Variants in SNAP91 observed in about 807,000 individuals in gnomAD.
SNAP91 encodes the protein clathrin coat assembly protein AP180.
A neutral mutation model predicts 100.3 loss-of-function variants in SNAP91; 27 were observed. That is an observed-to-expected ratio of 0.27 (90% CI 0.20 to 0.37). SNAP91 has a LOEUF of 0.37. Ranked by LOEUF, SNAP91 falls within the 10% of genes least tolerant of loss-of-function variation. SNAP91 has a pLI of 1.00. For missense variants in SNAP91, 986 were observed against 1,123.7 expected (o/e 0.88, Z 1.75); for synonymous variants, 404 against 398.6 (o/e 1.01, Z -0.16).
chr6:83,636,873 T>C (rs1377832406), intron 8 of SNAP91, among the ~76,000 whole-genome samples: 2 of 152,162 alleles, frequency 1.3e-5, no homozygotes, highest in Non-Finnish European at 2.9e-5. Context: ...GGGTTGACTG[T>C]GGTGAATGTT....
intron 8 of SNAP91, among the ~76,000 whole-genome samples, chr6:83,629,455 G>A (rs2097114944): frequency 6.6e-6 from 1 of 150,554 alleles, no homozygotes; most frequent in African/African-American, 2.4e-5. Context: ...TTGGCAGTAT[G>A]GTCATTTTCT....
At chr6:83,610,546 T>C in intron 12 of SNAP91, 104 bp downstream of exon 12, 1 of 402,016 alleles carries the variant, frequency 2.5e-6, no homozygotes, top group Non-Finnish European at 4.6e-6. Context: ...AGGATGGTTG[T>C]ACAACAATGT....
intron 9 of SNAP91, among the ~76,000 whole-genome samples, chr6:83,622,285 C>A (rs986955383): frequency 3.9e-5 from 6 of 151,962 alleles, no homozygotes; most frequent in African/African-American, 1.2e-4. Context: ...ATTTAATTGG[C>A]ATTTTAATAA....
At position 83,708,893 on chromosome 6, in the gene SNAP91, C is replaced by G. The variant is rs1468353769; in HGVS notation, c.-79G>C. 1 of 152,228 alleles carries G rather than the reference C, an allele frequency of 6.6e-6. No homozygotes were observed. Among genetic ancestry groups the G allele is most frequent in the African/African-American group, 2.4e-5 (1 of 41,536 alleles). The allele number at this position is 152,228 out of a possible 1,614,324, so 9.4% of individuals were successfully genotyped here. On this transcript the variant is annotated 5_prime_UTR_variant, in exon 1 of 30. Coordinates refer to ENST00000369694, the MANE Select transcript of SNAP91 (RefSeq NM_001242792.2). ...GCCGCAGGATGAGCGGAGCCCGGGC[C>G]GCCGAGGGAAGCCGCGCCGGTGGAT...
chr6:83,620,932 T>C (rs928959533), intron 9 of SNAP91, among the ~76,000 whole-genome samples: 2 of 151,928 alleles, frequency 1.3e-5, no homozygotes, highest in African/African-American at 4.8e-5. Flanking sequence ...CTCGATCTCC[T>C]GAACTCATGA....
intron 8 of SNAP91, among the ~76,000 whole-genome samples, 193 bp downstream of exon 8, chr6:83,640,903 C>A (rs1030470483): frequency 6.6e-6 from 1 of 152,128 alleles, no homozygotes; most frequent in African/African-American, 2.4e-5. Flanking sequence ...TGCAGGAGTA[C>A]AGAGTACAGC....
chr6:83,602,619 T>C (rs959763698), intron 14 of SNAP91, among the ~76,000 whole-genome samples: 14 of 152,264 alleles, frequency 9.2e-5, no homozygotes, highest in Non-Finnish European at 1.3e-4. Flanking sequence ...ACCGGGCAAA[T>C]TGTAGAAGTT....
intron 16 of SNAP91, among the ~76,000 whole-genome samples, chr6:83,597,084 T>A (rs574783791): frequency 5.9e-5 from 9 of 152,332 alleles, no homozygotes; most frequent in Admixed American, 1.3e-4. Context: ...TATCTCCTTT[T>A]AATTCTTCTC....
chr6:83,554,756 C>A (rs1393141530), intron 29 of SNAP91, among the ~76,000 whole-genome samples: 1 of 152,120 alleles, frequency 6.6e-6, no homozygotes, highest in East Asian at 1.9e-4. Context: ...ACAGAGAGAT[C>A]CCTGGCGACC....
chr6:83,640,669 C>G (rs12203618), intron 8 of SNAP91, among the ~76,000 whole-genome samples: 9,291 of 151,900 alleles, frequency 0.061, 287 homozygotes, highest in Middle Eastern at 0.085. Flanking sequence ...TAAATCATTG[C>G]CAAAGTAAGA....
intron 8 of SNAP91, among the ~76,000 whole-genome samples, chr6:83,623,587 A>G: frequency 6.6e-6 from 1 of 152,170 alleles, no homozygotes; most frequent in Admixed American, 6.5e-5. Context: ...TCCAAAAACA[A>G]ATGACAACAA....
intron 22 of SNAP91, among the ~76,000 whole-genome samples, chr6:83,590,725 A>G (rs2093625627): frequency 6.6e-6 from 1 of 152,194 alleles, no homozygotes; most frequent in African/African-American, 2.4e-5. Flanking sequence ...TAGACATTAC[A>G]AGACAAAAAT....
intron 26 of SNAP91, among the ~76,000 whole-genome samples, chr6:83,568,916 T>G (rs1801676436): frequency 6.6e-6 from 1 of 152,158 alleles, no homozygotes; most frequent in South Asian, 2.1e-4. Context: ...TCCTTGAGTA[T>G]TCCTAGAAAG....
At chr6:83,676,689 G>A (rs1160851158) in intron 2 of SNAP91, among the ~76,000 whole-genome samples, 2 of 152,178 alleles carry the variant, frequency 1.3e-5, no homozygotes, top group East Asian at 3.9e-4. Flanking sequence ...AATGTAATGG[G>A]AAGCTGCTAG....
rs2129088187 is a variant in SNAP91, at chr6:83,707,914, G to T, written c.14C>A (p.Thr5Lys). The T allele has an allele frequency of 2.5e-6, 4 of 1,587,696 alleles. No homozygotes were observed. Among genetic ancestry groups the T allele is most frequent in the Middle Eastern group, 1.7e-4 (1 of 5,990 alleles). Residue 5 changes from threonine (T) to lysine (K), a missense_variant, in exon 2 of 30, where the codon ACG becomes AAG. Coordinates refer to ENST00000369694, the MANE Select transcript of SNAP91 (RefSeq NM_001242792.2). The stretch of plus-strand genomic sequence containing the variant: ...AGCGGCGGCGATCCGATCCGTGAGC[G>T]TTTGGCCCGACATCTTCTGTGGTCG... MSGQTLTDRIAAAQY... is the reference protein window; with the variant it reads MSGQKLTDRIAAAQY...
At chr6:83,565,960 T>C (rs1795989930) in intron 26 of SNAP91, among the ~76,000 whole-genome samples, 1 of 152,120 alleles carries the variant, frequency 6.6e-6, no homozygotes, top group Admixed American at 6.6e-5. Context: ...CCTAGGTATA[T>C]TCCAAATAGA....
At chr6:83,624,466 G>C (rs1372227087) in intron 8 of SNAP91, among the ~76,000 whole-genome samples, 2 of 152,130 alleles carry the variant, frequency 1.3e-5, no homozygotes, top group East Asian at 3.8e-4. Flanking sequence ...TGAAGCAAAA[G>C]TGCTGGGCTG....
At chr6:83,589,333 TATC>T (rs1266323986) in intron 22 of SNAP91, among the ~76,000 whole-genome samples, 1 of 152,186 alleles carries the variant, frequency 6.6e-6, no homozygotes, top group Non-Finnish European at 1.5e-5. Flanking sequence ...TACTGCCTCT[TATC>T]ATCTCTGCAA....
At chr6:83,641,493 T>C (rs1214842939) in intron 7 of SNAP91, among the ~76,000 whole-genome samples, 5 of 152,210 alleles carry the variant, frequency 3.3e-5, no homozygotes, top group Admixed American at 6.5e-5. Flanking sequence ...TCATGTTCCA[T>C]ATCCAATATC....
Sources: allele counts gnomAD v4.1 joint callset (sites outside exome capture counted in the v4.1 genomes callset), GRCh38; gene constraint gnomAD v4.1.1; transcripts MANE v1.5; gene names NCBI Gene and HGNC (gene_info 2026-07-23, HGNC 2026-07-21).